Variants in ACTR3C observed in about 807,000 individuals in gnomAD.
ACTR3C encodes the protein actin related protein 3C.
ACTR3C carries 18 observed loss-of-function variants against 26.3 expected under a neutral mutation model. The ratio of observed to expected loss-of-function variants is 0.68; its 90% CI spans 0.47 to 1.01. ACTR3C has a LOEUF of 1.01. ACTR3C is among the 50% of genes least tolerant of loss of function. ACTR3C has a pLI of 0.00. For missense variants in ACTR3C, 184 were observed against 250.7 expected (o/e 0.73, Z 1.80); for synonymous variants, 55 against 94.5 (o/e 0.58, Z 2.42).
the ACTR3C span, among the ~76,000 whole-genome samples, chr7:150,126,713 G>C: frequency 6.6e-6 from 1 of 152,292 alleles, no homozygotes; most frequent in African/African-American, 2.4e-5. Flanking sequence ...ATAAAGAAAG[G>C]CTTTTTTAAG....
the ACTR3C span, among the ~76,000 whole-genome samples, chr7:150,188,476 G>T: frequency 6.6e-6 from 1 of 151,570 alleles, no homozygotes; most frequent in Admixed American, 6.6e-5. Flanking sequence ...AAATACTCAG[G>T]AATAGAATTA....
intron 1 of ACTR3C, among the ~76,000 whole-genome samples, chr7:150,319,190 G>C (rs560320840): frequency 3.2e-4 from 48 of 149,838 alleles, no homozygotes; most frequent in Admixed American, 1.1e-3. Context: ...CACAGCATTT[G>C]TAAAATTGCT....
chr7:150,197,167 C>T, the ACTR3C span, among the ~76,000 whole-genome samples: 2 of 152,178 alleles, frequency 1.3e-5, no homozygotes, highest in South Asian at 4.1e-4. Context: ...TCAGGCAGCA[C>T]CTTTGAGAAA....
the ACTR3C span, among the ~76,000 whole-genome samples, chr7:150,136,705 G>A: frequency 3.7e-5 from 5 of 133,602 alleles, no homozygotes; most frequent in African/African-American, 1.9e-4. Flanking sequence ...TAAATAAATG[G>A]TAAAAAGACC....
chr7:150,113,844 T>G, the ACTR3C span, among the ~76,000 whole-genome samples: 2 of 151,680 alleles, frequency 1.3e-5, no homozygotes, highest in African/African-American at 4.9e-5. Flanking sequence ...GTACTATAAA[T>G]TTATTTTATA....
chr7:150,039,157 G>GA, the ACTR3C span, among the ~76,000 whole-genome samples: 1 of 150,950 alleles, frequency 6.6e-6, no homozygotes, highest in African/African-American at 2.4e-5. Context: ...GCCGGTGGGG[G>GA]AAGAGGGTCT....
the ACTR3C span, chr7:149,891,478 A>G: frequency 7.3e-6 from 3 of 411,384 alleles, no homozygotes; most frequent in Non-Finnish European, 1.4e-5. Flanking sequence ...AAGTTACATT[A>G]TTGTTCATAT....
At chr7:150,041,645 C>G in the ACTR3C span, among the ~76,000 whole-genome samples, 13 of 103,364 alleles carry the variant, frequency 1.3e-4, no homozygotes, top group Non-Finnish European at 1.7e-4. Context: ...CCTCCCCCCC[C>G]CTGCGATGAG....
At chr7:150,007,457 C>G in the ACTR3C span, among the ~76,000 whole-genome samples, 1 of 152,188 alleles carries the variant, frequency 6.6e-6, no homozygotes, top group Non-Finnish European at 1.5e-5. Context: ...CGATTCTCAC[C>G]TTTGGGGTTC....
chr7:150,231,898 T>C, the ACTR3C span, among the ~76,000 whole-genome samples: 9,137 of 152,122 alleles, frequency 0.06, 498 homozygotes, highest in African/African-American at 0.14. Context: ...TGATTGATAG[T>C]GTTCCTCAAG....
At chr7:150,042,887 G>C in the ACTR3C span, among the ~76,000 whole-genome samples, 1 of 150,606 alleles carries the variant, frequency 6.6e-6, no homozygotes, top group Non-Finnish European at 1.5e-5. Context: ...TTGTCAGATC[G>C]GGTAGCCCCA....
At chr7:150,097,862 G>A in the ACTR3C span, among the ~76,000 whole-genome samples, 804 of 151,418 alleles carry the variant, frequency 5.3e-3, 32 homozygotes, top group African/African-American at 0.019. Context: ...ACCCTCATAT[G>A]CTCTGTCCTC....
At chr7:150,028,160 T>A in the ACTR3C span, among the ~76,000 whole-genome samples, 1 of 152,312 alleles carries the variant, frequency 6.6e-6, no homozygotes, top group Non-Finnish European at 1.5e-5. Context: ...ATTCAGAATA[T>A]GGAAATCATC....
At chr7:150,175,728 C>T in the ACTR3C span, among the ~76,000 whole-genome samples, 5 of 142,374 alleles carry the variant, frequency 3.5e-5, no homozygotes, top group South Asian at 1.1e-3. Context: ...AGGAGAATAG[C>T]TTGAACCACC....
At chr7:150,197,255 C>G in the ACTR3C span, among the ~76,000 whole-genome samples, 2 of 152,128 alleles carry the variant, frequency 1.3e-5, no homozygotes, top group African/African-American at 4.8e-5. Context: ...GAATATGAAC[C>G]CTGCCTTCTC....
At chr7:150,316,188 ACT>A (rs1445290446) in intron 1 of ACTR3C, among the ~76,000 whole-genome samples, 2 of 152,160 alleles carry the variant, frequency 1.3e-5, no homozygotes, top group African/African-American at 4.8e-5. Flanking sequence ...CAAGAGTGAA[ACT>A]CTGTCTCAAA....
At chr7:149,966,142 T>G in the ACTR3C span, among the ~76,000 whole-genome samples, 1,041 of 152,318 alleles carry the variant, frequency 6.8e-3, 9 homozygotes, top group African/African-American at 0.024. Flanking sequence ...TGCTTTATTT[T>G]TTTGTATTGT....
the ACTR3C span, among the ~76,000 whole-genome samples, chr7:150,129,054 T>C: frequency 6.6e-6 from 1 of 151,296 alleles, no homozygotes. Context: ...AGACCTGAGC[T>C]CTAGAGACCT....
chr7:150,240,364 G>T (rs969956547), downstream of ACTR3C, among the ~76,000 whole-genome samples: 4 of 152,158 alleles, frequency 2.6e-5, no homozygotes, highest in African/African-American at 7.2e-5. Flanking sequence ...CTACAAGAAT[G>T]CTCATTACAG....
Sources: allele counts gnomAD v4.1 joint callset (sites outside exome capture counted in the v4.1 genomes callset), GRCh38; gene constraint gnomAD v4.1.1; transcripts MANE v1.5; gene names NCBI Gene and HGNC (gene_info 2026-07-23, HGNC 2026-07-21).